Variants in REEP3 observed in about 807,000 individuals in gnomAD.
REEP3 encodes receptor expression-enhancing protein 3.
Under a neutral mutation model 41.3 loss-of-function variants are expected in REEP3, and 20 were observed. The observed-to-expected ratio is 0.48, with a 90% CI of 0.34 to 0.70. REEP3 has a LOEUF of 0.70. Among genes scored for constraint, REEP3 ranks in the 30% least tolerant of loss-of-function variants. REEP3 has a pLI of 0.01. For missense variants in REEP3, 271 were observed against 308.8 expected (o/e 0.88, Z 0.92); for synonymous variants, 104 against 101.8 (o/e 1.02, Z -0.13).
chr10:63,534,608 A>C (rs1055394713), intron 1 of REEP3, among the ~76,000 whole-genome samples: 1 of 152,232 alleles, frequency 6.6e-6, no homozygotes, highest in Non-Finnish European at 1.5e-5. Flanking sequence ...TTGGTTTCCT[A>C]TAAGTTTAAG....
intron 1 of REEP3, among the ~76,000 whole-genome samples, chr10:63,530,931 C>T (rs567296278): frequency 2.4e-4 from 36 of 152,262 alleles, no homozygotes; most frequent in African/African-American, 8.7e-4. Context: ...TCCTTTCATA[C>T]AACTTTTGAG....
At chr10:63,548,508 T>G (rs1003925582) in intron 1 of REEP3, among the ~76,000 whole-genome samples, 9 of 152,226 alleles carry the variant, frequency 5.9e-5, no homozygotes, top group African/African-American at 2.2e-4. Context: ...GTAGTTTAGG[T>G]GCTTAATTTA....
intron 1 of REEP3, among the ~76,000 whole-genome samples, chr10:63,525,741 C>G (rs1955357704): frequency 6.6e-6 from 1 of 152,138 alleles, no homozygotes; most frequent in African/African-American, 2.4e-5. Context: ...TTTGAGATTA[C>G]CAATGATGTT....
At chr10:63,578,277 T>G (rs1343035524) in intron 2 of REEP3, among the ~76,000 whole-genome samples, 1 of 151,858 alleles carries the variant, frequency 6.6e-6, no homozygotes, top group Non-Finnish European at 1.5e-5. Context: ...TTTTTGTATT[T>G]TTAGTAGAGA....
intron 1 of REEP3, among the ~76,000 whole-genome samples, chr10:63,542,850 G>A (rs1225088049): frequency 6.6e-6 from 1 of 152,166 alleles, no homozygotes; most frequent in Non-Finnish European, 1.5e-5. Flanking sequence ...ATTCTAACAT[G>A]TCTAACTTAG....
intron 3 of REEP3, among the ~76,000 whole-genome samples, chr10:63,597,524 G>A (rs535724235): frequency 3.3e-5 from 5 of 152,274 alleles, no homozygotes; most frequent in African/African-American, 1.2e-4. Context: ...AATGAGGGGG[G>A]AATCTCTCAG....
chr10:63,570,407 A>G (rs1177173373), intron 2 of REEP3, among the ~76,000 whole-genome samples: 1 of 152,244 alleles, frequency 6.6e-6, no homozygotes, highest in African/African-American at 2.4e-5. Context: ...AATTATCTGT[A>G]CATAATTTTG....
At chr10:63,524,009 A>G (rs1955332684) in intron 1 of REEP3, among the ~76,000 whole-genome samples, 1 of 152,168 alleles carries the variant, frequency 6.6e-6, no homozygotes. Flanking sequence ...GTAAGGTTTG[A>G]GGCTAACGAC....
chr10:63,563,098 A>T, intron 1 of REEP3: 1 of 425,068 alleles, frequency 2.4e-6, no homozygotes, highest in South Asian at 1.7e-5. Flanking sequence ...AAGACACCAA[A>T]TCTGCCAACG....
Position 63,574,921 on chromosome 10 carries a change from G to A in REEP3, c.105+8511G>A, listed in dbSNP as rs951850330. Among the ~76,000 whole-genome samples the A allele has an allele frequency of 5.6e-5, 7 of 124,806 alleles. No individual in the cohort carries two copies. The South Asian group carries it at 8.1e-4, about 14-fold the overall frequency. The allele number at this position is 124,806 out of a possible 152,430, so 81.9% of individuals were successfully genotyped here. On this transcript the variant is annotated intron_variant, in intron 2 of 7. Coordinates refer to ENST00000373758, the MANE Select transcript of REEP3 (RefSeq NM_001001330.3). ...CGCCCAGGCTGGAGTGCAGTGGCAC[G>A]ACTTGGCTCACGGCAACCTCTGCCT...
chr10:63,567,137 T>G (rs773087523), intron 2 of REEP3, among the ~76,000 whole-genome samples: 10 of 152,196 alleles, frequency 6.6e-5, no homozygotes, highest in African/African-American at 9.6e-5. Context: ...ATTGGTGGTG[T>G]TAATCAACAG....
At chr10:63,567,599 A>C (rs1038393299) in intron 2 of REEP3, among the ~76,000 whole-genome samples, 1 of 152,238 alleles carries the variant, frequency 6.6e-6, no homozygotes, top group Middle Eastern at 3.2e-3. Context: ...GTTGACAGAC[A>C]TATGAATTGT....
At chr10:63,556,185 A>G (rs959392679) in intron 1 of REEP3, among the ~76,000 whole-genome samples, 1 of 152,092 alleles carries the variant, frequency 6.6e-6, no homozygotes, top group Non-Finnish European at 1.5e-5. Flanking sequence ...ACTGCAACAG[A>G]GCTCACTGCA....
Position 63,601,275 on chromosome 10 carries a change from C to T in REEP3, c.417+1992C>T, listed in dbSNP as rs143327671. On this transcript the variant is annotated intron_variant, in intron 5 of 7. Coordinates refer to ENST00000373758, the MANE Select transcript of REEP3 (RefSeq NM_001001330.3). The stretch of plus-strand genomic sequence containing the variant: ...ATGATACCATCATGATTTTCACCCT[C>T]AAGAACTATTAACAGTCAAGCTCTC... 6.4e-4 allele frequency among the ~76,000 whole-genome samples: 97 copies of T among 152,268 alleles called. 1 individual carries two copies. Among genetic ancestry groups the T allele is most frequent in the African/African-American group, 2.2e-3 (93 of 41,546 alleles).
intron 1 of REEP3, among the ~76,000 whole-genome samples, chr10:63,523,009 G>T (rs1955304351): frequency 8.3e-6 from 1 of 120,258 alleles, no homozygotes. Flanking sequence ...CTATTAAGAA[G>T]CTGTACTTTA....
chr10:63,537,264 C>A (rs945719060), intron 1 of REEP3, among the ~76,000 whole-genome samples: 6 of 151,906 alleles, frequency 3.9e-5, no homozygotes, highest in African/African-American at 1.5e-4. Context: ...ATATGATTAC[C>A]TATGGTATGA....
Position 63,568,140 on chromosome 10 carries a change from G to A in REEP3, c.105+1730G>A, listed in dbSNP as rs140129719. 9.0e-4 allele frequency among the ~76,000 whole-genome samples: 137 copies of A among 152,184 alleles called. 1 individual carries two copies. Among genetic ancestry groups the A allele is most frequent in the African/African-American group, 3.2e-3 (131 of 41,508 alleles). ...ATATAAGTTGGAGTAAATACTTTGCGTATTGTTTTATAGTGCTGGCATACA... is the reference window on the plus strand; with the variant it reads ...ATATAAGTTGGAGTAAATACTTTGCATATTGTTTTATAGTGCTGGCATACA... On this transcript the variant is annotated intron_variant, in intron 2 of 7. Coordinates refer to ENST00000373758, the MANE Select transcript of REEP3 (RefSeq NM_001001330.3).
intron 2 of REEP3, among the ~76,000 whole-genome samples, chr10:63,588,790 A>G (rs549758606): frequency 6.6e-6 from 1 of 152,348 alleles, no homozygotes; most frequent in Admixed American, 6.5e-5. Context: ...TAGGATTTTG[A>G]TATTTTAAAG....
At chr10:63,599,527 A>T in intron 5 of REEP3, 1 of 285,946 alleles carries the variant, frequency 3.5e-6, no homozygotes, top group Non-Finnish European at 5.9e-6. Flanking sequence ...AATGTCATTT[A>T]GTCATAATTT....
Sources: allele counts gnomAD v4.1 joint callset (sites outside exome capture counted in the v4.1 genomes callset), GRCh38; gene constraint gnomAD v4.1.1; transcripts MANE v1.5; gene names NCBI Gene and HGNC (gene_info 2026-07-23, HGNC 2026-07-21).